The following PDPK1 variants were observed in gnomAD, a reference collection of about 807,000 sequenced individuals.
PDPK1 encodes the protein 3-phosphoinositide-dependent protein kinase 1.
PDPK1 carries 7 observed loss-of-function variants against 39.8 expected under a neutral mutation model. The ratio of observed to expected loss-of-function variants is 0.18; its 90% CI spans 0.10 to 0.33. The LOEUF is 0.33. Among genes scored for constraint, PDPK1 ranks in the 10% least tolerant of loss-of-function variants. The pLI is 1.00. For missense variants in PDPK1, 182 were observed against 384.7 expected (o/e 0.47, Z 4.41); for synonymous variants, 118 against 159.1 (o/e 0.74, Z 1.95).
intron 11 of PDPK1, 53 bp downstream of exon 11, chr16:2,586,946 C>A (rs1038614312): frequency 1.8e-5 from 27 of 1,496,380 alleles, no homozygotes; most frequent in Non-Finnish European, 2.5e-5. Flanking sequence ...AGCGTGAACA[C>A]GTGGGGGCTT....
chr16:2,597,800 A>T lies in PDPK1; in HGVS notation c.*33A>T. On this transcript the variant is annotated 3_prime_UTR_variant, in exon 14 of 14. Coordinates refer to ENST00000342085, the MANE Select transcript of PDPK1 (RefSeq NM_002613.5). This position sits in a 1 kb window ranked among gnomAD's most constrained non-coding sequence, Gnocchi z 6.3. ...TGCGGCCGGGCTGCCCTTCGCTGCCAGGACACCTGCCCCAGCGCGGCTTGG... is the reference window on the plus strand; with the variant it reads ...TGCGGCCGGGCTGCCCTTCGCTGCCTGGACACCTGCCCCAGCGCGGCTTGG... 5 of 1,454,296 alleles carry T rather than the reference A, an allele frequency of 3.4e-6. No homozygotes were observed. Among genetic ancestry groups the T allele is most frequent in the Middle Eastern group, 2.4e-4 (1 of 4,194 alleles). 90.1% of individuals were successfully genotyped at this position (1,454,296 alleles called of 1,614,324 possible).
intron 1 of PDPK1, among the ~76,000 whole-genome samples, chr16:2,547,546 G>A (rs1445070742): frequency 4.9e-5 from 2 of 40,984 alleles, no homozygotes; most frequent in Admixed American, 4.8e-4. Context: ...CTTGGTGAAC[G>A]CATTGCGTTC....
rs2067234162 is a variant in PDPK1 at position 2,602,338 on chromosome 16, G to A, written c.*4571G>A. The A allele has an allele frequency of 8.5e-6, 2 of 234,642 alleles. No individual in the cohort carries two copies. The highest frequency in any genetic ancestry group is 1.7e-5 in the Non-Finnish European group (2 of 118,046). 14.5% of individuals were successfully genotyped at this position (234,642 alleles called of 1,614,324 possible). On this transcript the variant is annotated 3_prime_UTR_variant, in exon 14 of 14. Coordinates refer to ENST00000342085, the MANE Select transcript of PDPK1 (RefSeq NM_002613.5). Reference sequence around the variant, plus strand: ...TAGATGAGGCTGCCTGTGGAGAACTGGTGTGAGGAGGAAGCTGTTTCCAAC... The same window carrying A: ...TAGATGAGGCTGCCTGTGGAGAACTAGTGTGAGGAGGAAGCTGTTTCCAAC...
chr16:2,586,047 C>T (rs2066867788), intron 10 of PDPK1, among the ~76,000 whole-genome samples: 1 of 152,200 alleles, frequency 6.6e-6, no homozygotes, highest in South Asian at 2.1e-4. Context: ...AGGCTGTGTC[C>T]GCTTGGCACG....
At chr16:2,588,296 G>A (rs1241084491) in intron 11 of PDPK1, among the ~76,000 whole-genome samples, 5 of 152,224 alleles carry the variant, frequency 3.3e-5, no homozygotes, top group African/African-American at 1.2e-4. Context: ...GAGGGCTCTT[G>A]ATGGGAGCAA....
intron 1 of PDPK1, among the ~76,000 whole-genome samples, chr16:2,546,318 G>C (rs1216284658): frequency 6.8e-6 from 1 of 147,232 alleles, no homozygotes; most frequent in African/African-American, 2.5e-5. Context: ...TCCTGACCTC[G>C]TGATCTACCC....
At position 2,601,129 on chromosome 16, in the gene PDPK1, G is replaced by T; in HGVS notation, c.*3362G>T. The T allele has an allele frequency of 4.3e-6, 1 of 232,864 alleles. No individual in the cohort carries two copies. The allele number at this position is 232,864 out of a possible 1,614,324, so 14.4% of individuals were successfully genotyped here. A position where few individuals can be genotyped will look rare whatever the true frequency, so the allele number is the denominator to read the frequency against. On this transcript the variant is annotated 3_prime_UTR_variant, in exon 14 of 14. Transcript: ENST00000342085. Reference sequence around the variant, plus strand: ...TTTCTTACTTTTTTCCCCCTTAGATGCCTGGAAGTGGTATTTTGAGGTGAA... The same window carrying T: ...TTTCTTACTTTTTTCCCCCTTAGATTCCTGGAAGTGGTATTTTGAGGTGAA...
At chr16:2,539,596 C>T (rs1279726117) in intron 1 of PDPK1, 1 of 152,200 alleles carries the variant, frequency 6.6e-6, no homozygotes, top group Non-Finnish European at 1.5e-5. Flanking sequence ...GAAGGTTCAG[C>T]TGAGAAAAAT....
Position 2,599,675 on chromosome 16 carries a change from C to T in PDPK1, c.*1908C>T, listed in dbSNP as rs1332871724. The T allele has an allele frequency of 4.3e-6, 1 of 233,320 alleles. No individual in the cohort carries two copies. The highest frequency in any genetic ancestry group is 8.5e-6 in the Non-Finnish European group (1 of 118,088). The allele number at this position is 233,320 out of a possible 1,614,324, so 14.5% of individuals were successfully genotyped here. A position where few individuals can be genotyped will look rare whatever the true frequency, so the allele number is the denominator to read the frequency against. On this transcript the variant is annotated 3_prime_UTR_variant, in exon 14 of 14. Transcript: ENST00000342085. ...GGCTTGGCTGTGTTGGGGAGTCTCT[C>T]TTAGCCCTTTCAGGAATTTCTGTTC...
intron 1 of PDPK1, among the ~76,000 whole-genome samples, chr16:2,542,784 A>G (rs1263937405): frequency 3.3e-5 from 5 of 152,128 alleles, no homozygotes; most frequent in Admixed American, 6.5e-5. Context: ...ATGAGGTTTG[A>G]AGGTAGGTCT....
rs1193840799 is a variant in PDPK1, at chr16:2,597,098, C to T, written c.1402-25C>T. The stretch of plus-strand genomic sequence containing the variant: ...TGCCGTCAGCACTGGCCTCTGAGGC[C>T]TGTTGTTTTGTGTTTTGGCGTCAGG... On this transcript the variant is annotated intron_variant, in intron 12 of 13. Transcript: ENST00000342085. The surrounding 1 kb of genome is among the most constrained non-coding windows in gnomAD (Gnocchi z 6.3). 5 of 1,537,052 alleles carry T rather than the reference C, an allele frequency of 3.3e-6. No homozygotes were observed. The highest frequency in any genetic ancestry group is 1.8e-4 in the Middle Eastern group (1 of 5,624).
At position 2,601,530 on chromosome 16, in the gene PDPK1, A is replaced by G; in HGVS notation, c.*3763A>G. The stretch of plus-strand genomic sequence containing the variant: ...TGCATCTGCACAGTCAGCAGAGATA[A>G]CAAGTGTTGAACTGACCTTGCCACA... On this transcript the variant is annotated 3_prime_UTR_variant, in exon 14 of 14. Transcript: ENST00000342085. The G allele has an allele frequency of 4.3e-6, 1 of 234,568 alleles. No individual in the cohort carries two copies. The highest frequency in any genetic ancestry group is 8.5e-6 in the Non-Finnish European group (1 of 117,912). 14.5% of individuals were successfully genotyped at this position (234,568 alleles called of 1,614,324 possible).
Position 2,598,127 on chromosome 16 carries a change from A to G in PDPK1, c.*360A>G. On this transcript the variant is annotated 3_prime_UTR_variant, in exon 14 of 14. Transcript: ENST00000342085. The stretch of plus-strand genomic sequence containing the variant: ...GTTTTTCCTAGCATCAGTCCGAACC[A>G]TGCGCCCGCCCTGCCCCAACTGTGT... The G allele has an allele frequency of 3.3e-6, 1 of 304,468 alleles. No individual in the cohort carries two copies. The highest frequency in any genetic ancestry group is 5.3e-5 in the East Asian group (1 of 18,710). The allele number at this position is 304,468 out of a possible 1,614,324, so 18.9% of individuals were successfully genotyped here. A position where few individuals can be genotyped will look rare whatever the true frequency, so the allele number is the denominator to read the frequency against.
chr16:2,542,308 C>T (rs1259302380), intron 1 of PDPK1, among the ~76,000 whole-genome samples: 1 of 152,054 alleles, frequency 6.6e-6, no homozygotes, highest in Non-Finnish European at 1.5e-5. Flanking sequence ...TACAGGTGCG[C>T]ACCACCTACA....
intron 11 of PDPK1, among the ~76,000 whole-genome samples, chr16:2,587,220 C>T (rs2066895456): frequency 6.6e-6 from 1 of 152,210 alleles, no homozygotes; most frequent in Admixed American, 6.5e-5. Flanking sequence ...TGTAGCCCCT[C>T]TTTTCCACAT....
At position 2,586,902 on chromosome 16, in the gene PDPK1, T is replaced by G; in HGVS notation, c.1343+9T>G. On this transcript the variant is annotated intron_variant, in intron 11 of 13. Coordinates refer to ENST00000342085, the MANE Select transcript of PDPK1 (RefSeq NM_002613.5). Reference sequence around the variant, plus strand: ...GCTGGCGGAAACCCTTGGTAAGAACTTATGGACATAAGCAATGCTTTTTGC... The same window carrying G: ...GCTGGCGGAAACCCTTGGTAAGAACGTATGGACATAAGCAATGCTTTTTGC... 1 of 1,611,992 alleles carries G rather than the reference T, an allele frequency of 6.2e-7. No individual in the cohort carries two copies.
Position 2,597,114 on chromosome 16 carries a change from T to C in PDPK1, c.1402-9T>C. On this transcript the variant is annotated splice_polypyrimidine_tract_variant and intron_variant, in intron 12 of 13. Coordinates refer to ENST00000342085, the MANE Select transcript of PDPK1 (RefSeq NM_002613.5). This position sits in a 1 kb window ranked among gnomAD's most constrained non-coding sequence, Gnocchi z 6.3. ...CTCTGAGGCCTGTTGTTTTGTGTTT[T>C]GGCGTCAGGGTTTATTTGCAAGACG... The C allele has an allele frequency of 6.5e-7, 1 of 1,549,276 alleles. No individual in the cohort carries two copies. The highest frequency in any genetic ancestry group is 8.8e-7 in the Non-Finnish European group (1 of 1,140,190).
intron 1 of PDPK1, among the ~76,000 whole-genome samples, chr16:2,551,485 CGT>C (rs1262528695): frequency 6.6e-6 from 1 of 150,490 alleles, no homozygotes; most frequent in Non-Finnish European, 1.5e-5. Flanking sequence ...CTGCTTGCCG[CGT>C]GTGAGAGTGT....
At chr16:2,589,971 C>T (rs1404236390) in intron 11 of PDPK1, among the ~76,000 whole-genome samples, 1 of 152,174 alleles carries the variant, frequency 6.6e-6, no homozygotes, top group Non-Finnish European at 1.5e-5. Flanking sequence ...ACAATGCAGT[C>T]GAAACTTGCT....
Sources: allele counts gnomAD v4.1 joint callset (sites outside exome capture counted in the v4.1 genomes callset), GRCh38; gene constraint gnomAD v4.1.1; non-coding constraint Gnocchi (gnomAD v3.1); transcripts MANE v1.5; gene names NCBI Gene and HGNC (gene_info 2026-07-23, HGNC 2026-07-21).